The following JMJD1C variants were observed in gnomAD, a reference collection of about 807,000 sequenced individuals.
The protein encoded by JMJD1C is jumonji domain containing 1C.
In JMJD1C, 31 loss-of-function variants were observed where a neutral mutation model predicts 245.3. The ratio of observed to expected loss-of-function variants is 0.13; its 90% CI spans 0.09 to 0.17. The LOEUF (loss-of-function observed/expected upper bound fraction) is 0.17, where lower values mean the gene tolerates loss of function less well. Among genes scored for constraint, JMJD1C ranks in the 10% least tolerant of loss-of-function variants. JMJD1C has a pLI of 1.00. For missense variants in JMJD1C, 2,691 were observed against 3,000.2 expected (o/e 0.90, Z 2.41); for synonymous variants, 1,057 against 1,017.4 (o/e 1.04, Z -0.74).
At chr10:63,226,054 T>C (rs1033985642) in intron 3 of JMJD1C, among the ~76,000 whole-genome samples, 1 of 150,656 alleles carries the variant, frequency 6.6e-6, no homozygotes, top group African/African-American at 2.5e-5. Context: ...TTTACTATTA[T>C]TGCCTTTTAA....
At position 63,207,781 on chromosome 10, in the gene JMJD1C, T is replaced by C; in HGVS notation, c.3888A>G (p.Gly1296=). The change falls in exon 10 of 26, where the codon GGA becomes GGG. Residue 1296 remains glycine (G), a synonymous_variant. Coordinates refer to ENST00000399262, the MANE Select transcript of JMJD1C (RefSeq NM_032776.3). ...KTEWHVEKSS[G]KLQAAMASVI... Reference sequence around the variant, plus strand: ...CAGATGCCATAGCAGCCTGTAACTTTCCGCTGCTTTTCTCCACATGCCATT... The same window carrying C: ...CAGATGCCATAGCAGCCTGTAACTTCCCGCTGCTTTTCTCCACATGCCATT... 6.2e-7 allele frequency: 1 copy of C among 1,614,226 alleles called. No individual in the cohort carries two copies. Among genetic ancestry groups the C allele is most frequent in the Non-Finnish European group, 8.5e-7 (1 of 1,180,024 alleles).
intron 1 of JMJD1C, among the ~76,000 whole-genome samples, chr10:63,393,227 C>T (rs1948220477): frequency 6.6e-6 from 1 of 151,996 alleles, no homozygotes; most frequent in African/African-American, 2.4e-5. Flanking sequence ...GTGATCGCAC[C>T]ACTGTACTCC....
intron 2 of JMJD1C, among the ~76,000 whole-genome samples, chr10:63,342,064 A>G (rs1943431557): frequency 6.6e-6 from 1 of 152,236 alleles, no homozygotes; most frequent in Admixed American, 6.5e-5. Flanking sequence ...AAAAGTTTCC[A>G]ACCTTCTTAC....
intron 1 of JMJD1C, among the ~76,000 whole-genome samples, chr10:63,454,807 A>G (rs1952305466): frequency 6.6e-6 from 1 of 152,160 alleles, no homozygotes; most frequent in South Asian, 2.1e-4. Context: ...TTCCCCACAT[A>G]ATGAATATGG....
intron 8 of JMJD1C, among the ~76,000 whole-genome samples, chr10:63,211,485 TTATC>T (rs1847328719): frequency 1.3e-5 from 2 of 149,728 alleles, no homozygotes; most frequent in African/African-American, 4.9e-5. Flanking sequence ...AAAAAAAAGT[TTATC>T]TATCACAACT....
At chr10:63,294,530 C>T (rs1331835897) in intron 2 of JMJD1C, among the ~76,000 whole-genome samples, 2 of 152,166 alleles carry the variant, frequency 1.3e-5, no homozygotes, top group Non-Finnish European at 2.9e-5. Context: ...GTGATCCGCC[C>T]GCCTTGGCCT....
chr10:63,358,204 T>A (rs1468105517), intron 2 of JMJD1C, among the ~76,000 whole-genome samples: 1 of 152,108 alleles, frequency 6.6e-6, no homozygotes, highest in African/African-American at 2.4e-5. Context: ...TATTTTAGGA[T>A]ACGAAAATTT....
At chr10:63,254,524 T>A (rs1466571267) in intron 3 of JMJD1C, among the ~76,000 whole-genome samples, 1 of 152,164 alleles carries the variant, frequency 6.6e-6, no homozygotes, top group Non-Finnish European at 1.5e-5. Context: ...AAATAATATC[T>A]TATACTCTAA....
In JMJD1C at chr10:63,465,672, T is replaced by G; in HGVS notation, c.-10A>C. Reference sequence around the variant, plus strand: ...GCGTCTCTACCGCCATAGCTGTCGCTGCCGAAGCGGCCGCTGCCTCCTCCA... The same window carrying G: ...GCGTCTCTACCGCCATAGCTGTCGCGGCCGAAGCGGCCGCTGCCTCCTCCA... On this transcript the variant is annotated 5_prime_UTR_variant, in exon 1 of 26. Coordinates refer to ENST00000399262, the MANE Select transcript of JMJD1C (RefSeq NM_032776.3). 1 of 1,607,322 alleles carries G rather than the reference T, an allele frequency of 6.2e-7. No individual in the cohort carries two copies. The highest frequency in any genetic ancestry group is 1.1e-5 in the South Asian group (1 of 91,062).
intron 1 of JMJD1C, among the ~76,000 whole-genome samples, chr10:63,429,375 C>T (rs777404445): frequency 1.4e-4 from 22 of 152,102 alleles, no homozygotes; most frequent in Non-Finnish European, 3.1e-4. Flanking sequence ...CTTTGAAGAT[C>T]TCATACTGGA....
At chr10:63,479,626 T>C (rs375015568) in intron 1 of JMJD1C, among the ~76,000 whole-genome samples, 1 of 152,222 alleles carries the variant, frequency 6.6e-6, no homozygotes. Context: ...TAAATTCAGC[T>C]AACTGTTCCC....
At chr10:63,452,918 T>G (rs960388716) in intron 1 of JMJD1C, among the ~76,000 whole-genome samples, 1 of 152,142 alleles carries the variant, frequency 6.6e-6, no homozygotes, top group African/African-American at 2.4e-5. Flanking sequence ...CTTCTGACAA[T>G]GGATAGTACT....
At chr10:63,486,137 T>C (rs1313225043) in intron 1 of JMJD1C, among the ~76,000 whole-genome samples, 1 of 73,288 alleles carries the variant, frequency 1.4e-5, no homozygotes. Flanking sequence ...CAAGCAATTG[T>C]AAAAAAAAAA....
At chr10:63,394,506 A>T (rs1194546012) in intron 1 of JMJD1C, among the ~76,000 whole-genome samples, 1 of 152,198 alleles carries the variant, frequency 6.6e-6, no homozygotes, top group East Asian at 1.9e-4. Flanking sequence ...ACCTTGGATT[A>T]AGCAAAGAAT....
intron 2 of JMJD1C, among the ~76,000 whole-genome samples, chr10:63,344,133 A>T (rs190864867): frequency 4.6e-5 from 7 of 152,190 alleles, no homozygotes; most frequent in Non-Finnish European, 7.3e-5. Flanking sequence ...AGGCCTTCAC[A>T]TTCTCTTCCC....
At chr10:63,394,993 A>G (rs1948378022) in intron 1 of JMJD1C, among the ~76,000 whole-genome samples, 1 of 152,206 alleles carries the variant, frequency 6.6e-6, no homozygotes, top group African/African-American at 2.4e-5. Flanking sequence ...TATCAAGAAT[A>G]TATAAAACAC....
chr10:63,439,394 C>G (rs1951236066), intron 1 of JMJD1C, among the ~76,000 whole-genome samples: 1 of 152,174 alleles, frequency 6.6e-6, no homozygotes, highest in Non-Finnish European at 1.5e-5. Context: ...CTATTAATTA[C>G]AACATTTAAT....
At chr10:63,273,869 G>A (rs1856550508) in intron 2 of JMJD1C, among the ~76,000 whole-genome samples, 1 of 152,144 alleles carries the variant, frequency 6.6e-6, no homozygotes, top group South Asian at 2.1e-4. Context: ...AAGAAAATCT[G>A]CTCCTTCCAG....
chr10:63,185,621 C>G lies in JMJD1C; in HGVS notation c.6772G>C (p.Val2258Leu). 6.2e-7 allele frequency: 1 copy of G among 1,605,388 alleles called. No individual in the cohort carries two copies. Among genetic ancestry groups the G allele is most frequent in the South Asian group, 1.1e-5 (1 of 90,862 alleles). Residue 2258 changes from valine to leucine, a missense_variant, in exon 20 of 26, where the codon GTT (valine) becomes CTT (leucine). This residue lies in a region of JMJD1C where 232 missense variants were observed against 416.1 expected (regional missense o/e 0.56). Transcript: ENST00000399262. ...GAAGGCCAGTCTTTCAATTTTAAAA[C>G]AACTGTTTCTCCACTCTTGTTTTTC... is the stretch of plus-strand genomic sequence containing the variant. ...RQKNKSGETVVLKLKDWPSGE... is the reference protein window; with the variant it reads ...RQKNKSGETVLLKLKDWPSGE...
Sources: gnomAD v4.1 joint callset for allele counts (sites outside exome capture counted in the v4.1 genomes callset) on GRCh38, gnomAD v4.1.1 for gene constraint, gnomAD v4.1.1 regional missense constraint, MANE v1.5 for transcripts, NCBI Gene and HGNC (gene_info 2026-07-23, HGNC 2026-07-21) for gene names.